The following ATXN7L1 variants were observed in gnomAD, a reference collection of about 807,000 sequenced individuals.
ATXN7L1 encodes the protein ataxin 7 like 1, also known as ataxin-7-like protein 1.
A neutral mutation model predicts 70.8 loss-of-function variants in ATXN7L1; 15 were observed. The ratio of observed to expected loss-of-function variants is 0.21; its 90% CI spans 0.14 to 0.33. The LOEUF is 0.33. ATXN7L1 is among the 10% of genes least tolerant of loss of function. The pLI is 1.00. For synonymous variants in ATXN7L1, 440 were observed against 445.1 expected (o/e 0.99, Z 0.14); for missense variants, 975 against 1,097.1 (o/e 0.89, Z 1.57).
chr7:105,811,422 G>T (rs1808411764), intron 2 of ATXN7L1, among the ~76,000 whole-genome samples: 1 of 152,230 alleles, frequency 6.6e-6, no homozygotes, highest in Non-Finnish European at 1.5e-5. Flanking sequence ...AACAGAGAGA[G>T]AATGAATTTC....
chr7:105,698,031 C>G (rs982374910), intron 3 of ATXN7L1, among the ~76,000 whole-genome samples: 5 of 152,210 alleles, frequency 3.3e-5, no homozygotes, highest in Admixed American at 3.3e-4. Context: ...GGAGCCAACA[C>G]AGGATGGAGA....
At chr7:105,669,691 G>A (rs1465128099) in intron 3 of ATXN7L1, among the ~76,000 whole-genome samples, 1 of 152,156 alleles carries the variant, frequency 6.6e-6, no homozygotes. Flanking sequence ...GGGAGGCCAA[G>A]GCGGGTGGAT....
At chr7:105,756,611 A>G (rs1799832521) in intron 3 of ATXN7L1, among the ~76,000 whole-genome samples, 1 of 152,234 alleles carries the variant, frequency 6.6e-6, no homozygotes, top group African/African-American at 2.4e-5. Context: ...CCACTAACCA[A>G]GCTCACCAAA....
At chr7:105,679,200 G>C in intron 3 of ATXN7L1, 1 of 944,772 alleles carries the variant, frequency 1.1e-6, no homozygotes, top group Non-Finnish European at 1.3e-6. Flanking sequence ...AGCACGCCCA[G>C]ACGAGATTAG....
At chr7:105,692,424 T>TCCCTCCTTCCTTCCTTCCTTCCTTCCTC (rs1554431696) in intron 3 of ATXN7L1, among the ~76,000 whole-genome samples, 1 of 88,086 alleles carries the variant, frequency 1.1e-5, no homozygotes, top group East Asian at 3.7e-4. Flanking sequence ...CTTCCTTCCT[T>TCCCTCCTTCCTTCCTTCCTTCCTTCCTC]CCTCCCTCCC....
At chr7:105,748,808 C>T (rs916045261) in intron 3 of ATXN7L1, among the ~76,000 whole-genome samples, 10 of 152,168 alleles carry the variant, frequency 6.6e-5, no homozygotes, top group East Asian at 1.9e-4. Flanking sequence ...GGGCCCACCC[C>T]GGAGATAAGG....
chr7:105,723,588 A>G (rs1448284574), intron 3 of ATXN7L1, among the ~76,000 whole-genome samples: 1 of 152,152 alleles, frequency 6.6e-6, no homozygotes, highest in African/African-American at 2.4e-5. Context: ...AGAGGCCACA[A>G]AGAATTTAAG....
intron 11 of ATXN7L1, among the ~76,000 whole-genome samples, chr7:105,609,082 C>G (rs1792929912): frequency 6.6e-6 from 1 of 152,190 alleles, no homozygotes; most frequent in African/African-American, 2.4e-5. Context: ...ATACTGCTGC[C>G]ATGAAACTGC....
At chr7:105,836,322 G>C (rs976391193) in intron 2 of ATXN7L1, among the ~76,000 whole-genome samples, 1 of 152,306 alleles carries the variant, frequency 6.6e-6, no homozygotes, top group East Asian at 1.9e-4. Flanking sequence ...GAGAATTTAA[G>C]CCTCTGAATC....
chr7:105,719,520 C>T (rs1012761991), intron 3 of ATXN7L1, among the ~76,000 whole-genome samples: 39 of 152,142 alleles, frequency 2.6e-4, no homozygotes, highest in African/African-American at 9.2e-4. Flanking sequence ...GGTTGAGATT[C>T]CCTAGCCCCC....
At chr7:105,624,052 G>A (rs1795313461) in intron 8 of ATXN7L1, 23 bp downstream of exon 8, 2 of 1,378,426 alleles carry the variant, frequency 1.5e-6, no homozygotes, top group Non-Finnish European at 9.5e-7. Flanking sequence ...AGAACGCATG[G>A]CAAGGAACGG....
intron 3 of ATXN7L1, among the ~76,000 whole-genome samples, chr7:105,750,743 C>T (rs1188226434): frequency 6.6e-6 from 1 of 152,146 alleles, no homozygotes; most frequent in East Asian, 1.9e-4. Context: ...GTGGAGGTTG[C>T]AGTGAGCCAA....
chr7:105,635,552 G>A (rs1279746420), intron 7 of ATXN7L1, among the ~76,000 whole-genome samples: 1 of 152,208 alleles, frequency 6.6e-6, no homozygotes, highest in Admixed American at 6.5e-5. Context: ...AGGTGAGACA[G>A]GCTAAGAACC....
intron 2 of ATXN7L1, among the ~76,000 whole-genome samples, chr7:105,837,626 C>T (rs1812597217): frequency 6.6e-6 from 1 of 152,102 alleles, no homozygotes; most frequent in Non-Finnish European, 1.5e-5. Context: ...TGTATCATCC[C>T]CAGAATCCAC....
intron 3 of ATXN7L1, among the ~76,000 whole-genome samples, chr7:105,731,235 G>A (rs141901014): frequency 2.7e-4 from 41 of 152,218 alleles, no homozygotes; most frequent in African/African-American, 9.4e-4. Flanking sequence ...TCCCCAAGAC[G>A]GCTCATTATG....
intron 2 of ATXN7L1, among the ~76,000 whole-genome samples, chr7:105,821,828 C>T (rs1393184968): frequency 6.6e-6 from 1 of 152,256 alleles, no homozygotes; most frequent in Non-Finnish European, 1.5e-5. Context: ...GATTGTTGCT[C>T]CTGTGCTCAC....
At chr7:105,757,511 CA>C (rs1219787698) in intron 3 of ATXN7L1, among the ~76,000 whole-genome samples, 5 of 144,718 alleles carry the variant, frequency 3.5e-5, no homozygotes, top group African/African-American at 1.3e-4. Context: ...TCTTTTTCAC[CA>C]AAAAGGCAGA....
intron 2 of ATXN7L1, among the ~76,000 whole-genome samples, chr7:105,831,307 T>A (rs1811563836): frequency 6.6e-6 from 1 of 152,204 alleles, no homozygotes; most frequent in Non-Finnish European, 1.5e-5. Context: ...GAAAGCACAT[T>A]AGGCTCATTC....
chr7:105,814,213 A>T (rs1271428374), intron 2 of ATXN7L1, among the ~76,000 whole-genome samples: 1 of 152,122 alleles, frequency 6.6e-6, no homozygotes. Context: ...TCCAATTGTG[A>T]TCGCAATGCC....
Sources: allele counts gnomAD v4.1 joint callset (sites outside exome capture counted in the v4.1 genomes callset), GRCh38; gene constraint gnomAD v4.1.1; transcripts MANE v1.5; gene names NCBI Gene and HGNC (gene_info 2026-07-23, HGNC 2026-07-21).